The following CREB1 variants were observed in gnomAD, a reference collection of about 807,000 sequenced individuals.
The protein encoded by CREB1 is cyclic AMP-responsive element-binding protein 1.
CREB1 carries 2 observed loss-of-function variants against 42.0 expected under a neutral mutation model. The ratio of observed to expected loss-of-function variants is 0.05; its 90% CI spans 0.02 to 0.15. CREB1 has a LOEUF of 0.15. Ranked by LOEUF, CREB1 falls within the 10% of genes least tolerant of loss-of-function variation. CREB1 has a pLI of 1.00. For synonymous variants in CREB1, 123 were observed against 139.9 expected, an observed-to-expected ratio of 0.88 and a Z score of 0.85; for missense variants, 199 against 388.9, an observed-to-expected ratio of 0.51 and a Z score of 4.11.
At chr2:207,555,871 A>G (rs889743724) in intron 2 of CREB1, 122 bp downstream of exon 2, 2 of 601,248 alleles carry the variant, frequency 3.3e-6, no homozygotes, top group Non-Finnish European at 6.0e-6. Flanking sequence ...TACAATATCA[A>G]AATTCCTATT....
Position 207,600,147 on chromosome 2 carries a change from A to G in CREB1, c.*3089A>G, listed in dbSNP as rs371052022. 8.9e-5 allele frequency: 16 copies of G among 180,648 alleles called. No homozygotes were observed. Among genetic ancestry groups the G allele is most frequent in the African/African-American group, 3.1e-4 (13 of 42,392 alleles). The allele number at this position is 180,648 out of a possible 1,614,324, so 11.2% of individuals were successfully genotyped here. On this transcript the variant is annotated 3_prime_UTR_variant, in exon 8 of 8. Coordinates refer to ENST00000353267, the MANE Select transcript of CREB1 (RefSeq NM_004379.5). ...TTTAAGTTCATTCTTTTTCAAACTC[A>G]AGTACCATATTGGCAACCATAATAT...
At chr2:207,562,033 T>G (rs1324269244) in intron 3 of CREB1, among the ~76,000 whole-genome samples, 1 of 152,208 alleles carries the variant, frequency 6.6e-6, no homozygotes, top group Non-Finnish European at 1.5e-5. Context: ...AAAGATAGTG[T>G]TGTGCATGTA....
At chr2:207,575,753 G>A (rs542395367) in intron 6 of CREB1, among the ~76,000 whole-genome samples, 8 of 152,216 alleles carry the variant, frequency 5.3e-5, no homozygotes, top group African/African-American at 1.9e-4. Context: ...TAGAAAAGAT[G>A]GATTCTGTAT....
In CREB1 at chr2:207,597,960, T is replaced by C. The variant is rs1422440549; in HGVS notation, c.*902T>C. 1 of 184,740 alleles carries C rather than the reference T, an allele frequency of 5.4e-6. No homozygotes were observed. The highest frequency in any genetic ancestry group is 1.1e-5 in the Non-Finnish European group (1 of 87,284). The allele number at this position is 184,740 out of a possible 1,614,324, so 11.4% of individuals were successfully genotyped here. ...GTTATTGTCCTCACCTTCAAAAATA[T>C]TTATATTGTCACTCATTTACGTAAA... On this transcript the variant is annotated 3_prime_UTR_variant, in exon 8 of 8. Coordinates refer to ENST00000353267, the MANE Select transcript of CREB1 (RefSeq NM_004379.5).
At chr2:207,596,712 C>T (rs934473684) in intron 7 of CREB1, among the ~76,000 whole-genome samples, 2 of 152,168 alleles carry the variant, frequency 1.3e-5, no homozygotes, top group East Asian at 1.9e-4. Flanking sequence ...GGATTACAGG[C>T]GTGAGCCGCC....
Position 207,601,354 on chromosome 2 carries a change from G to A in CREB1, c.*4296G>A, listed in dbSNP as rs973521865. 1 of 185,572 alleles carries A rather than the reference G, an allele frequency of 5.4e-6. No homozygotes were observed. Among genetic ancestry groups the A allele is most frequent in the Non-Finnish European group, 1.1e-5 (1 of 87,686 alleles). The allele number at this position is 185,572 out of a possible 1,614,324, so 11.5% of individuals were successfully genotyped here. A position where few individuals can be genotyped will look rare whatever the true frequency, so the allele number is the denominator to read the frequency against. On this transcript the variant is annotated 3_prime_UTR_variant, in exon 8 of 8. Transcript: ENST00000353267. The stretch of plus-strand genomic sequence containing the variant: ...AGTCTTTCTCCTCTCTTCAAATCAT[G>A]TGACTTTTTAAATGGAAGTTTTTCA...
chr2:207,568,593 A>G (rs2082229883), intron 4 of CREB1, among the ~76,000 whole-genome samples: 1 of 152,178 alleles, frequency 6.6e-6, no homozygotes, highest in Admixed American at 6.5e-5. Flanking sequence ...GCATAGAACA[A>G]TAACTATAAA....
chr2:207,551,124 A>G (rs2106426812), intron 1 of CREB1, among the ~76,000 whole-genome samples: 1 of 152,296 alleles, frequency 6.6e-6, no homozygotes, highest in Middle Eastern at 3.4e-3. Flanking sequence ...AAACTTATCA[A>G]TACTGTATTC....
chr2:207,533,688 A>G (rs1331289335), intron 1 of CREB1, among the ~76,000 whole-genome samples: 1 of 152,212 alleles, frequency 6.6e-6, no homozygotes, highest in African/African-American at 2.4e-5. Flanking sequence ...TGAGATGTCA[A>G]GATGGAAAAA....
At chr2:207,555,800 C>T (rs776751148) in intron 2 of CREB1, 51 bp downstream of exon 2, 21 of 1,196,634 alleles carry the variant, frequency 1.8e-5, no homozygotes, top group African/African-American at 3.0e-5. Context: ...TAGAGGAATA[C>T]GTTTCCAAGA....
intron 1 of CREB1, among the ~76,000 whole-genome samples, chr2:207,532,621 C>T (rs1430113814): frequency 6.6e-6 from 1 of 151,084 alleles, no homozygotes; most frequent in Non-Finnish European, 1.5e-5. Context: ...TGCAGTGAGC[C>T]GAGATCGCGC....
intron 6 of CREB1, among the ~76,000 whole-genome samples, chr2:207,576,047 G>C (rs1204458248): frequency 6.8e-6 from 1 of 147,022 alleles, no homozygotes; most frequent in Non-Finnish European, 1.5e-5. Context: ...GGCTAGTCTT[G>C]AACTCCGGGC....
intron 1 of CREB1, among the ~76,000 whole-genome samples, chr2:207,532,761 G>C (rs552212786): frequency 6.6e-6 from 1 of 151,286 alleles, no homozygotes; most frequent in African/African-American, 2.4e-5. Flanking sequence ...TTATTTATTT[G>C]TTTTTTTGAG....
intron 7 of CREB1, among the ~76,000 whole-genome samples, chr2:207,579,395 T>C (rs2082743088): frequency 6.6e-6 from 1 of 152,182 alleles, no homozygotes; most frequent in Admixed American, 6.5e-5. Flanking sequence ...TAAATCCTTT[T>C]GATTATAAAA....
At chr2:207,576,749 T>C in intron 6 of CREB1, 4 of 1,079,704 alleles carry the variant, frequency 3.7e-6, no homozygotes, top group South Asian at 4.8e-5. Flanking sequence ...TTAATTGATA[T>C]TAATAATTAA....
intron 1 of CREB1, among the ~76,000 whole-genome samples, chr2:207,536,865 C>T (rs191499139): frequency 2.6e-4 from 39 of 151,884 alleles, no homozygotes; most frequent in Middle Eastern, 6.8e-3. Flanking sequence ...TTGTATACGC[C>T]TGTAGTCCCA....
At position 207,570,202 on chromosome 2, in the gene CREB1, C is replaced by G; in HGVS notation, c.386C>G (p.Ser129Cys). The G allele has an allele frequency of 6.2e-7, 1 of 1,608,254 alleles. No individual in the cohort carries two copies. Among genetic ancestry groups the G allele is most frequent in the Non-Finnish European group, 8.5e-7 (1 of 1,178,136 alleles). ...AGGAAAATTTTGAATGACTTATCTT[C>G]TGATGCACCAGGAGTGCCAAGGATT... Reference protein sequence around the residue: ...SYRKILNDLSSDAPGVPRIEE... With the variant: ...SYRKILNDLSCDAPGVPRIEE... The change falls in exon 5 of 8, where the codon TCT becomes TGT. Residue 129 changes from serine to cysteine, a missense_variant. Physicochemically the swap from Ser to Cys is moderately radical, Grantham distance 112. Around this residue, in one of 4 missense-constraint regions of CREB1, gnomAD observed 66 missense variants for 150.8 expected, o/e 0.44. Coordinates refer to ENST00000353267, the MANE Select transcript of CREB1 (RefSeq NM_004379.5).
intron 3 of CREB1, among the ~76,000 whole-genome samples, chr2:207,565,538 A>AG (rs2082109307): frequency 6.6e-6 from 1 of 151,788 alleles, no homozygotes; most frequent in Admixed American, 6.6e-5. Flanking sequence ...AGAAAAAAAA[A>AG]GGACACAGAT....
At chr2:207,567,719 A>G (rs773358104) in intron 4 of CREB1, 156 bp downstream of exon 4, 39 of 490,228 alleles carry the variant, frequency 8.0e-5, no homozygotes, top group Non-Finnish European at 1.2e-4. Context: ...GTGGAAGCTT[A>G]TCCTACAGAA....
Sources: allele counts gnomAD v4.1 joint callset (sites outside exome capture counted in the v4.1 genomes callset), GRCh38; gene constraint gnomAD v4.1.1; regional missense constraint gnomAD v4.1.1; transcripts MANE v1.5; gene names NCBI Gene and HGNC (gene_info 2026-07-23, HGNC 2026-07-21).